Variants in PKN2 observed in about 807,000 individuals in gnomAD.
PKN2 encodes protein kinase N2, also known as serine/threonine-protein kinase N2.
In PKN2, 38 loss-of-function variants were observed where a neutral mutation model predicts 119.1. The observed-to-expected ratio is 0.32, with a 90% CI of 0.25 to 0.42. PKN2 has a LOEUF of 0.42. PKN2 is among the 10% of genes least tolerant of loss of function. The probability of loss-of-function intolerance (pLI) is 1.00; values close to 1 mark genes in which losing one functional copy is unlikely to be tolerated. For missense variants in PKN2, 850 were observed against 1,165.1 expected, an observed-to-expected ratio of 0.73 and a Z score of 3.94; for synonymous variants, 390 against 384.9, an observed-to-expected ratio of 1.01 and a Z score of -0.15.
intron 1 of PKN2, among the ~76,000 whole-genome samples, chr1:88,719,792 C>A (rs144951104): frequency 6.6e-6 from 1 of 152,186 alleles, no homozygotes; most frequent in Non-Finnish European, 1.5e-5. Context: ...TTCTTACTGT[C>A]CATTGGCCAC....
At chr1:88,713,848 T>C (rs767416866) in intron 1 of PKN2, among the ~76,000 whole-genome samples, 12 of 152,212 alleles carry the variant, frequency 7.9e-5, no homozygotes, top group Non-Finnish European at 1.8e-4. Flanking sequence ...CATGAAGTCC[T>C]TGCCCATGCC....
intron 1 of PKN2, among the ~76,000 whole-genome samples, chr1:88,708,912 G>GT: frequency 6.6e-6 from 1 of 151,494 alleles, no homozygotes; most frequent in Non-Finnish European, 1.5e-5. Flanking sequence ...AATGGCCTTT[G>GT]TGGTTAGTAT....
intron 19 of PKN2, among the ~76,000 whole-genome samples, chr1:88,830,937 GT>G (rs960358730): frequency 3.0e-4 from 45 of 152,020 alleles, no homozygotes; most frequent in Non-Finnish European, 4.4e-5. Context: ...TGTGGCTAAA[GT>G]TTATGTCAGA....
Position 88,713,385 on chromosome 1 carries a change from T to G in PKN2, c.49-27603T>G, listed in dbSNP as rs1436212250. On this transcript the variant is annotated intron_variant, in intron 1 of 21. Coordinates refer to ENST00000370521, the MANE Select transcript of PKN2 (RefSeq NM_006256.4). Reference sequence around the variant, plus strand: ...CCACAATGGTTGAACTAGTTTACACTCCCACCAACAGTGTAAAAGTGTTCC... The same window carrying G: ...CCACAATGGTTGAACTAGTTTACACGCCCACCAACAGTGTAAAAGTGTTCC... 2.6e-5 allele frequency among the ~76,000 whole-genome samples: 4 copies of G among 152,202 alleles called. 1 individual carries two copies. In the Middle Eastern group the frequency reaches 9.5e-3, roughly 361 times the overall value.
chr1:88,705,858 A>G (rs1184338970), intron 1 of PKN2, among the ~76,000 whole-genome samples: 2 of 151,256 alleles, frequency 1.3e-5, no homozygotes, highest in Non-Finnish European at 2.9e-5. Flanking sequence ...GTATTTATTA[A>G]TTTTTTGCCA....
At chr1:88,810,053 G>A (rs756105791) in intron 15 of PKN2, among the ~76,000 whole-genome samples, 1 of 151,770 alleles carries the variant, frequency 6.6e-6, no homozygotes, top group Non-Finnish European at 1.5e-5. Flanking sequence ...GTAAGAAAAA[G>A]GAGTACTTTT....
chr1:88,738,189 A>C (rs929405017), intron 1 of PKN2, among the ~76,000 whole-genome samples: 9 of 151,462 alleles, frequency 5.9e-5, no homozygotes, highest in African/African-American at 4.9e-5. Context: ...ACAAAAAAAA[A>C]CCAAACTAAT....
At chr1:88,800,302 A>G (rs565134168) in intron 8 of PKN2, among the ~76,000 whole-genome samples, 12 of 152,348 alleles carry the variant, frequency 7.9e-5, no homozygotes, top group African/African-American at 2.6e-4. Flanking sequence ...TTTGAAAAAT[A>G]CAAATACTGA....
chr1:88,717,636 G>T (rs1667508543), intron 1 of PKN2, among the ~76,000 whole-genome samples: 1 of 151,852 alleles, frequency 6.6e-6, no homozygotes, highest in Non-Finnish European at 1.5e-5. Context: ...ATGGTTTACA[G>T]CTCCATCAGG....
At chr1:88,725,325 A>G (rs1360663023) in intron 1 of PKN2, among the ~76,000 whole-genome samples, 1 of 152,206 alleles carries the variant, frequency 6.6e-6, no homozygotes, top group Non-Finnish European at 1.5e-5. Flanking sequence ...GACAATGCCA[A>G]ACTGTTTTTC....
chr1:88,708,593 T>C (rs983072669), intron 1 of PKN2, among the ~76,000 whole-genome samples: 5 of 151,496 alleles, frequency 3.3e-5, no homozygotes, highest in East Asian at 3.9e-4. Flanking sequence ...AATAAATTAA[T>C]CTTAGGCCTT....
At chr1:88,810,183 T>C (rs11807399) in intron 15 of PKN2, among the ~76,000 whole-genome samples, 10,157 of 151,956 alleles carry the variant, frequency 0.067, 700 homozygotes, top group African/African-American at 0.18. Context: ...TGCAATGGCA[T>C]GAATTTGGCT....
At position 88,814,190 on chromosome 1, in the gene PKN2, G is replaced by A. The variant is rs142274283; in HGVS notation, c.2279+457G>A. 2.2e-3 allele frequency among the ~76,000 whole-genome samples: 338 copies of A among 152,232 alleles called. 1 individual carries two copies. The highest frequency in any genetic ancestry group is 7.8e-3 in the African/African-American group (325 of 41,550). ...ATATCAACTATTTGCGTCCTTGTGC[G>A]TAAAATATCTCTGAACAAATGTAAA... On this transcript the variant is annotated intron_variant, in intron 16 of 21. Coordinates refer to ENST00000370521, the MANE Select transcript of PKN2 (RefSeq NM_006256.4).
At chr1:88,790,783 C>A (rs947088040) in intron 8 of PKN2, among the ~76,000 whole-genome samples, 1 of 151,846 alleles carries the variant, frequency 6.6e-6, no homozygotes, top group African/African-American at 2.4e-5. Context: ...TTAGTGTTTT[C>A]TCTTGGTAGT....
intron 10 of PKN2, among the ~76,000 whole-genome samples, chr1:88,805,229 T>A (rs1671489171): frequency 6.6e-6 from 1 of 152,074 alleles, no homozygotes; most frequent in South Asian, 2.1e-4. Context: ...TTATTATAAT[T>A]TATATCTAAA....
intron 1 of PKN2, among the ~76,000 whole-genome samples, chr1:88,689,846 C>G (rs1485334202): frequency 6.6e-6 from 1 of 152,100 alleles, no homozygotes; most frequent in Non-Finnish European, 1.5e-5. Context: ...TAGTAATAGA[C>G]AGTAATGAAG....
chr1:88,775,569 C>T (rs1008917320), intron 6 of PKN2, among the ~76,000 whole-genome samples: 1 of 152,120 alleles, frequency 6.6e-6, no homozygotes, highest in African/African-American at 2.4e-5. Context: ...CTGTTATAAA[C>T]ATCCATGTGC....
At chr1:88,718,415 C>T (rs1386535980) in intron 1 of PKN2, among the ~76,000 whole-genome samples, 1 of 152,166 alleles carries the variant, frequency 6.6e-6, no homozygotes, top group Non-Finnish European at 1.5e-5. Context: ...TTCCCTGCCC[C>T]CAGAGGTGGG....
Position 88,772,009 on chromosome 1 carries a change from T to C in PKN2, c.985+130T>C, listed in dbSNP as rs1004446027. The C allele has an allele frequency of 1.1e-5, 7 of 638,952 alleles. No homozygotes were observed. In the South Asian group the frequency reaches 1.2e-4, roughly 11 times the overall value. 39.6% of individuals were successfully genotyped at this position (638,952 alleles called of 1,614,324 possible). On this transcript the variant is annotated intron_variant, in intron 6 of 21. Transcript: ENST00000370521. ...TAAGATACACATAGAATAAAATTTG[T>C]TGTATTAACCATTTTAATTTTATTC...
Sources: gnomAD v4.1 joint callset for allele counts (sites outside exome capture counted in the v4.1 genomes callset) on GRCh38, gnomAD v4.1.1 for gene constraint, MANE v1.5 for transcripts, NCBI Gene and HGNC (gene_info 2026-07-23, HGNC 2026-07-21) for gene names.